The following OR51B5 variants were observed in gnomAD, a reference collection of about 807,000 sequenced individuals.
The protein encoded by OR51B5 is olfactory receptor 51B5.
For missense variants in OR51B5, 456 were observed against 374.6 expected (o/e 1.22, Z -1.79); for synonymous variants, 186 against 144.8 (o/e 1.28, Z -2.04).
chr11:5,382,198 T>A (rs898954491), intron 1 of OR51B5, among the ~76,000 whole-genome samples: 1 of 152,232 alleles, frequency 6.6e-6, no homozygotes, highest in Non-Finnish European at 1.5e-5. Context: ...TCTTAAATGT[T>A]ATATTTGATC....
At chr11:5,426,567 T>C (rs955021897) in intron 1 of OR51B5, among the ~76,000 whole-genome samples, 3 of 152,176 alleles carry the variant, frequency 2.0e-5, no homozygotes, top group African/African-American at 7.2e-5. Flanking sequence ...TAGTATGTAC[T>C]CTACCCTACT....
At chr11:5,377,436 A>G (rs1402417860) in intron 1 of OR51B5, among the ~76,000 whole-genome samples, 1 of 152,200 alleles carries the variant, frequency 6.6e-6, no homozygotes, top group Non-Finnish European at 1.5e-5. Flanking sequence ...CTCCTATTCA[A>G]CATAGTGTTG....
At chr11:5,493,918 T>C (rs921660831) in intron 1 of OR51B5, among the ~76,000 whole-genome samples, 1 of 152,212 alleles carries the variant, frequency 6.6e-6, no homozygotes, top group African/African-American at 2.4e-5. Flanking sequence ...CATATATTCA[T>C]ATATATTTTT....
rs545868166 is a variant in OR51B5 at position 5,377,992 on chromosome 11, T to C, written n.85-31082A>G. On this transcript the variant is annotated intron_variant and non_coding_transcript_variant, in intron 1 of 4. Transcript: ENST00000415970. ...GTTCATATGGAACCAAAAAAGAGCC[T>C]GCATTGCCAAGTCAATCCTAAGCCA... is the stretch of plus-strand genomic sequence containing the variant. 9.2e-5 allele frequency among the ~76,000 whole-genome samples: 14 copies of C among 151,834 alleles called. No individual in the cohort carries two copies. In the South Asian group the frequency reaches 1.5e-3, roughly 16 times the overall value.
chr11:5,362,157 C>A (rs4910764), intron 1 of OR51B5, among the ~76,000 whole-genome samples: 16,871 of 152,108 alleles, frequency 0.11, 1,061 homozygotes, highest in South Asian at 0.15. Context: ...TCATTCCATG[C>A]TGAGCTATCA....
chr11:5,464,364 T>C (rs1851102910), intron 1 of OR51B5, among the ~76,000 whole-genome samples: 1 of 152,126 alleles, frequency 6.6e-6, no homozygotes. Flanking sequence ...TGTATACATG[T>C]GCCATGCTGG....
chr11:5,343,810 G>A (rs1251399492), upstream of OR51B5, among the ~76,000 whole-genome samples: 1 of 152,150 alleles, frequency 6.6e-6, no homozygotes, highest in Non-Finnish European at 1.5e-5. Context: ...AAAAAATTAT[G>A]TAAACTACAA....
chr11:5,493,860 A>G (rs1455914402), intron 1 of OR51B5, among the ~76,000 whole-genome samples: 1 of 152,222 alleles, frequency 6.6e-6, no homozygotes, highest in Admixed American at 6.5e-5. Context: ...ATGATGTTAG[A>G]CATAAGTGAC....
chr11:5,373,098 G>C (rs1377339404), intron 1 of OR51B5, among the ~76,000 whole-genome samples: 1 of 152,136 alleles, frequency 6.6e-6, no homozygotes, highest in Non-Finnish European at 1.5e-5. Context: ...ATAGTGTTGG[G>C]AAAACTGGAT....
Position 5,361,178 on chromosome 11 carries a change from G to T in OR51B5, n.85-14268C>A, listed in dbSNP as rs147077116. Among the ~76,000 whole-genome samples the T allele has an allele frequency of 5.0e-3, 757 of 152,174 alleles. 9 individuals carry two copies. The highest frequency in any genetic ancestry group is 0.017 in the Admixed American group (257 of 15,274). On this transcript the variant is annotated intron_variant and non_coding_transcript_variant, in intron 1 of 4. Transcript: ENST00000415970. ...AAAGAAAGAAATCTGCTGCAAAAAG[G>T]CCATCCTCCCTACATTTTCTTTTCT...
chr11:5,343,797 GA>G (rs1177854859), upstream of OR51B5, among the ~76,000 whole-genome samples: 2 of 151,816 alleles, frequency 1.3e-5, no homozygotes, highest in Non-Finnish European at 2.9e-5. Context: ...ATTCTCTTCA[GA>G]AAAAAAATTA....
intron 1 of OR51B5, chr11:5,351,437 G>A: frequency 1.6e-6 from 2 of 1,239,530 alleles, no homozygotes; most frequent in South Asian, 1.5e-5. Flanking sequence ...AATTCTCAAG[G>A]AGCAACTTTT....
chr11:5,451,100 G>A (rs1315639952), intron 1 of OR51B5, among the ~76,000 whole-genome samples: 1 of 152,202 alleles, frequency 6.6e-6, no homozygotes, highest in Admixed American at 6.5e-5. Context: ...CAGAGCAGCT[G>A]ACATATCACA....
chr11:5,488,328 T>C (rs1851526172), intron 1 of OR51B5, among the ~76,000 whole-genome samples: 1 of 152,126 alleles, frequency 6.6e-6, no homozygotes, highest in Non-Finnish European at 1.5e-5. Flanking sequence ...ACTCCCTAGG[T>C]AAGAGAAAAG....
chr11:5,363,265 ACACACACACACACACACACACC>A (rs1564921980), intron 1 of OR51B5, among the ~76,000 whole-genome samples: 1 of 80,244 alleles, frequency 1.2e-5, no homozygotes, highest in Non-Finnish European at 3.0e-5. Context: ...ACACACACAC[ACACACACACACACACACACACC>A]GGTGAGTGGA....
chr11:5,383,289 G>A (rs1234860725), intron 1 of OR51B5, among the ~76,000 whole-genome samples: 1 of 152,144 alleles, frequency 6.6e-6, no homozygotes, highest in East Asian at 1.9e-4. Context: ...TTGACTTCTA[G>A]GTCCAAAGAT....
chr11:5,377,527 G>C (rs12284212), intron 1 of OR51B5, among the ~76,000 whole-genome samples: 23,508 of 151,896 alleles, frequency 0.15, 2,143 homozygotes, highest in Non-Finnish European at 0.21. Context: ...AATTGTCCCT[G>C]TTTGCAGACG....
intron 1 of OR51B5, among the ~76,000 whole-genome samples, chr11:5,495,937 A>G (rs190923509): frequency 6.6e-6 from 1 of 152,252 alleles, no homozygotes; most frequent in East Asian, 1.9e-4. Context: ...GCAGGGTGGC[A>G]TATTGCAATT....
intron 1 of OR51B5, chr11:5,468,821 T>C: frequency 6.7e-6 from 3 of 450,272 alleles, no homozygotes; most frequent in Admixed American, 2.4e-5. Context: ...GAACAGGCCA[T>C]ACATGCTGTT....
Sources: allele counts gnomAD v4.1 joint callset (sites outside exome capture counted in the v4.1 genomes callset), GRCh38; gene constraint gnomAD v4.1.1; transcripts MANE v1.5; gene names NCBI Gene and HGNC (gene_info 2026-07-23, HGNC 2026-07-21).